Variants in KLF12 observed in about 807,000 individuals in gnomAD.
KLF12 encodes KLF transcription factor 12.
In KLF12, 9 loss-of-function variants were observed where a neutral mutation model predicts 37.8. The observed-to-expected ratio is 0.24, with a 90% confidence interval of 0.14 to 0.42. The LOEUF (loss-of-function observed/expected upper bound fraction) is 0.42. Ranked by LOEUF, KLF12 falls within the 10% of genes least tolerant of loss-of-function variation. The probability of loss-of-function intolerance (pLI) is 1.00; values close to 1 mark genes in which losing one functional copy is unlikely to be tolerated. For missense variants in KLF12, 411 were observed against 516.0 expected (o/e 0.80, Z 1.97); for synonymous variants, 208 against 202.1 (o/e 1.03, Z -0.25).
At chr13:74,133,453 G>C (rs1375483396) in intron 1 of KLF12, among the ~76,000 whole-genome samples, 1 of 148,364 alleles carries the variant, frequency 6.7e-6, no homozygotes, top group Non-Finnish European at 1.5e-5. Flanking sequence ...ACTTCTTCTG[G>C]AAAAAAAAAA....
chr13:74,251,116 G>A, the KLF12 span, among the ~76,000 whole-genome samples: 3 of 152,044 alleles, frequency 2.0e-5, no homozygotes, highest in Non-Finnish European at 2.9e-5. Context: ...TATGAATCTC[G>A]TGAACTCATT....
chr13:74,219,539 T>A, the KLF12 span, among the ~76,000 whole-genome samples: 3 of 152,250 alleles, frequency 2.0e-5, no homozygotes, highest in African/African-American at 7.2e-5. Context: ...TTGAGATACA[T>A]TCCTAAGATT....
chr13:73,765,072 G>T, intron 5 of KLF12, 72 bp from the exon 6 acceptor site: 1 of 873,162 alleles, frequency 1.1e-6, no homozygotes, highest in Non-Finnish European at 1.8e-6. Flanking sequence ...AAAATGGCAT[G>T]TTTTATAAAT....
At position 73,782,229 on chromosome 13, in the gene KLF12, G is replaced by C. The variant is rs139128673; in HGVS notation, c.807-17229C>G. 2.5e-4 allele frequency among the ~76,000 whole-genome samples: 38 copies of C among 152,272 alleles called. No individual in the cohort carries two copies. The East Asian group carries it at 6.6e-3, about 26-fold the overall frequency. ...TCAGGTTTCCTATCTTCATAATGGG[G>C]ATAGTTCAAAACAATGCCTGGAGCA... is the stretch of plus-strand genomic sequence containing the variant. On this transcript the variant is annotated intron_variant, in intron 5 of 7. Transcript: ENST00000377669.
At chr13:73,914,853 C>T (rs1021948981) in intron 3 of KLF12, among the ~76,000 whole-genome samples, 2 of 151,996 alleles carry the variant, frequency 1.3e-5, no homozygotes, top group Admixed American at 6.6e-5. Flanking sequence ...CCCTCTTGCT[C>T]GTTTTTGCTT....
chr13:73,842,848 C>T (rs1884810458), intron 4 of KLF12, among the ~76,000 whole-genome samples: 1 of 131,976 alleles, frequency 7.6e-6, no homozygotes, highest in South Asian at 2.4e-4. Context: ...ATATGCTAAA[C>T]AAAGAACTGA....
chr13:74,140,305 T>C, the KLF12 span, among the ~76,000 whole-genome samples: 1 of 152,158 alleles, frequency 6.6e-6, no homozygotes, highest in Non-Finnish European at 1.5e-5. Flanking sequence ...ACAGGATTGC[T>C]TGAGGCCATA....
chr13:74,158,673 C>G, the KLF12 span, among the ~76,000 whole-genome samples: 1 of 152,004 alleles, frequency 6.6e-6, no homozygotes, highest in African/African-American at 2.4e-5. Flanking sequence ...AATAAAAAGG[C>G]CATATGTAGA....
chr13:73,695,675 G>T lies in KLF12; in HGVS notation c.1028-4C>A. The T allele has an allele frequency of 1.2e-6, 2 of 1,613,420 alleles. No homozygotes were observed. The highest frequency in any genetic ancestry group is 1.7e-6 in the Non-Finnish European group (2 of 1,179,484). The stretch of plus-strand genomic sequence containing the variant: ...GTACACTTGTAAGGTTTCTCTCCTG[G>T]AAGAAACAAAGGAACACAAGCTTTG... On this transcript the variant is annotated splice_polypyrimidine_tract_variant and splice_region_variant and intron_variant, in intron 7 of 7. Coordinates refer to ENST00000377669, the MANE Select transcript of KLF12 (RefSeq NM_007249.5).
At chr13:74,042,970 A>C (rs745325134) in intron 1 of KLF12, among the ~76,000 whole-genome samples, 3 of 152,214 alleles carry the variant, frequency 2.0e-5, no homozygotes, top group Non-Finnish European at 4.4e-5. Context: ...AAAGTAGCAA[A>C]GTTTAGTGGG....
chr13:73,986,758 A>G (rs1163192857), intron 2 of KLF12, among the ~76,000 whole-genome samples: 2 of 152,178 alleles, frequency 1.3e-5, no homozygotes, highest in African/African-American at 4.8e-5. Flanking sequence ...TACCAGAAGG[A>G]CTTGGCCCAA....
the KLF12 span, among the ~76,000 whole-genome samples, chr13:74,227,848 G>A: frequency 2.0e-5 from 3 of 152,124 alleles, no homozygotes; most frequent in Non-Finnish European, 4.4e-5. Context: ...CCAACCAAAT[G>A]AGGTTTTGGG....
chr13:74,239,255 G>A, the KLF12 span, among the ~76,000 whole-genome samples: 3 of 152,094 alleles, frequency 2.0e-5, no homozygotes, highest in African/African-American at 4.8e-5. Context: ...GCCGTTTTGA[G>A]TGAGATTCTT....
the KLF12 span, among the ~76,000 whole-genome samples, chr13:74,226,777 A>G: frequency 2.0e-5 from 3 of 152,186 alleles, no homozygotes; most frequent in Admixed American, 2.0e-4. Flanking sequence ...TTCTCCAGCT[A>G]AACTGGGAAA....
chr13:74,244,301 T>C, the KLF12 span, among the ~76,000 whole-genome samples: 3 of 152,228 alleles, frequency 2.0e-5, no homozygotes, highest in Admixed American at 2.0e-4. Flanking sequence ...GATCCTGATG[T>C]TCCACTACCT....
At chr13:73,950,396 G>C (rs1890600307) in intron 2 of KLF12, among the ~76,000 whole-genome samples, 2 of 152,122 alleles carry the variant, frequency 1.3e-5, no homozygotes, top group African/African-American at 4.8e-5. Flanking sequence ...TTGTTCATTG[G>C]GCAGAGGATG....
chr13:73,812,932 T>C (rs1275483654), intron 5 of KLF12: 2 of 477,890 alleles, frequency 4.2e-6, no homozygotes, highest in African/African-American at 1.9e-5. Flanking sequence ...AAGATGCACA[T>C]AGGTCTTATA....
At chr13:73,947,436 A>G (rs941013962) in intron 2 of KLF12, among the ~76,000 whole-genome samples, 2 of 152,090 alleles carry the variant, frequency 1.3e-5, no homozygotes, top group Non-Finnish European at 2.9e-5. Flanking sequence ...AGGTAACTTG[A>G]GCTCAGGAGT....
At chr13:73,840,859 C>T (rs938640983) in intron 4 of KLF12, among the ~76,000 whole-genome samples, 4 of 152,074 alleles carry the variant, frequency 2.6e-5, no homozygotes, top group Non-Finnish European at 5.9e-5. Context: ...TCTAGTTCCA[C>T]CAGCCTCCTA....
Sources: gnomAD v4.1 joint callset for allele counts (sites outside exome capture counted in the v4.1 genomes callset) on GRCh38, gnomAD v4.1.1 for gene constraint, MANE v1.5 for transcripts, NCBI Gene and HGNC (gene_info 2026-07-23, HGNC 2026-07-21) for gene names.